Variants in NOL6 observed in about 807,000 individuals in gnomAD.
NOL6 encodes the protein nucleolar protein 6, also known as nucleolar RNA-associated protein.
A neutral mutation model predicts 131.7 loss-of-function variants in NOL6; 33 were observed. That is an observed-to-expected ratio of 0.25 (90% confidence interval 0.19 to 0.33). The LOEUF is 0.33. Ranked by LOEUF, NOL6 falls within the 10% of genes least tolerant of loss-of-function variation. NOL6 has a pLI of 1.00. For missense variants in NOL6, 1,297 were observed against 1,494.5 expected, an observed-to-expected ratio of 0.87 and a Z score of 2.18; for synonymous variants, 580 against 605.7, an observed-to-expected ratio of 0.96 and a Z score of 0.62.
At position 33,464,070 on chromosome 9, in the gene NOL6, G is replaced by A. The variant is rs767558987; in HGVS notation, c.2871C>T (p.Asn957=). The A allele has an allele frequency of 1.2e-6, 2 of 1,613,790 alleles. No individual in the cohort carries two copies. The highest frequency in any genetic ancestry group is 3.3e-5 in the Admixed American group (2 of 59,980). The change falls in exon 22 of 26, where the codon AAC becomes AAT. Residue 957 remains asparagine (N), a synonymous_variant. Transcript: ENST00000297990. Reference sequence around the variant, plus strand: ...AGGGTCCATCCTGTGTCCACACAGAGTTTTTGCGGTCTTGGGGGGTAACAA... The same window carrying A: ...AGGGTCCATCCTGTGTCCACACAGAATTTTTGCGGTCTTGGGGGGTAACAA... ...MVIVTPQDRK[N]SVWTQDGPSA... is the part of the protein sequence containing the mutation.
chr9:33,469,087 TGTGTTATAGCGGGGGGTAGGAG>T lies in NOL6; in HGVS notation c.875_896del (p.Pro292HisfsTer20). The stretch of plus-strand genomic sequence containing the variant: ...CGAGAACTGTATCTTGCAGGACCCA[TGTGTTATAGCGGGGGGTAGGAG>T]GCTCTGGGCTACCTGTGGGATGAAA... On this transcript the variant is annotated frameshift_variant, in exon 7 of 26. Transcript: ENST00000297990. LOFTEE classifies it high-confidence loss of function. 6.2e-7 allele frequency: 1 copy of T among 1,614,124 alleles called. No homozygotes were observed. The highest frequency in any genetic ancestry group is 8.5e-7 in the Non-Finnish European group (1 of 1,180,032).
In NOL6 at chr9:33,462,242, T is replaced by A. The variant is rs1364579464; in HGVS notation, c.*422A>T. 1.4e-6 allele frequency: 1 copy of A among 716,692 alleles called. No homozygotes were observed. Among genetic ancestry groups the A allele is most frequent in the African/African-American group, 1.7e-5 (1 of 57,226 alleles). 44.4% of individuals were successfully genotyped at this position (716,692 alleles called of 1,614,324 possible). ...AGGCCTGACACTGCAGTGAAGGGCATGCTAAGTCTAGGCACAGGTCCTGGC... is the reference window on the plus strand; with the variant it reads ...AGGCCTGACACTGCAGTGAAGGGCAAGCTAAGTCTAGGCACAGGTCCTGGC... On this transcript the variant is annotated 3_prime_UTR_variant, in exon 26 of 26. Coordinates refer to ENST00000297990, the MANE Select transcript of NOL6 (RefSeq NM_022917.5).
rs754382797 is a variant in NOL6, at chr9:33,468,331, G to A, written c.1298C>T (p.Thr433Ile). 6 of 1,613,842 alleles carry A rather than the reference G, an allele frequency of 3.7e-6. No individual in the cohort carries two copies. The highest frequency in any genetic ancestry group is 3.4e-6 in the Non-Finnish European group (4 of 1,179,872). Residue 433 changes from threonine (T) to isoleucine (I), a missense_variant, in exon 10 of 26, where the codon ACT (threonine) becomes ATT (isoleucine). Thr to Ile is a moderately conservative substitution (Grantham distance 89). Transcript: ENST00000297990. The part of the protein sequence containing the change: ...LNLCADVTAS[T>I]YHQVQHEARL... The stretch of plus-strand genomic sequence containing the variant: ...GGGGCCCATTGGTACCTGGTGGTAA[G>A]TAGAGGCAGTGACATCAGCACAGAG...
rs187980082 is a variant in NOL6, at chr9:33,466,419, G to A, written c.2098C>T (p.Pro700Ser). 2.5e-6 allele frequency: 4 copies of A among 1,614,188 alleles called. No homozygotes were observed. In the African/African-American group the frequency reaches 4.0e-5, roughly 16 times the overall value. Residue 700 changes from proline to serine, a missense_variant, in exon 17 of 26, where the codon CCA becomes TCA. Physicochemically the swap from Pro to Ser is moderately conservative, Grantham distance 74 (BLOSUM62 -1). Transcript: ENST00000297990. The stretch of plus-strand genomic sequence containing the variant: ...AAGGCTGGACGGACTGGAGTTGGTG[G>A]GAACACCTGTGGAAGAAGAGGGGCT... ...HPVLRYTEVF[P>S]PTPVRPAFSF...
At position 33,464,060 on chromosome 9, in the gene NOL6, T is replaced by C. The variant is rs1416820067; in HGVS notation, c.2881A>G (p.Thr961Ala). 6.2e-7 allele frequency: 1 copy of C among 1,613,478 alleles called. No individual in the cohort carries two copies. The highest frequency in any genetic ancestry group is 8.5e-7 in the Non-Finnish European group (1 of 1,179,760). The change falls in exon 22 of 26, where the codon ACA (threonine) becomes GCA (alanine). Residue 961 changes from threonine (T) to alanine (A), a missense_variant. Physicochemically the swap from Thr to Ala is moderately conservative, Grantham distance 58. Coordinates refer to ENST00000297990, the MANE Select transcript of NOL6 (RefSeq NM_022917.5). ...ACCTGGGCTGAGGGTCCATCCTGTG[T>C]CCACACAGAGTTTTTGCGGTCTTGG... Reference protein sequence around the residue: ...TPQDRKNSVWTQDGPSAQILQ... With the variant: ...TPQDRKNSVWAQDGPSAQILQ...
chr9:33,466,778 G>C (rs1827256348), intron 15 of NOL6, 69 bp from the exon 16 acceptor site: 1 of 1,594,072 alleles, frequency 6.3e-7, no homozygotes, highest in Admixed American at 1.7e-5. Context: ...TTCTGCCCCA[G>C]CTCAGGCTGC....
chr9:33,465,603 C>T (rs1827216980), intron 19 of NOL6, 131 bp downstream of exon 19: 3 of 1,136,534 alleles, frequency 2.6e-6, no homozygotes, highest in Non-Finnish European at 3.7e-6. Context: ...GATTCCAGAA[C>T]CTGCCTGACT....
Position 33,467,761 on chromosome 9 carries a change from G to C in NOL6, c.1532C>G (p.Thr511Ser). Residue 511 changes from threonine (T) to serine (S), a missense_variant, in exon 12 of 26, where the codon ACC becomes AGC. By Grantham distance (58) the Thr-to-Ser change is moderately conservative (BLOSUM62 1). Coordinates refer to ENST00000297990, the MANE Select transcript of NOL6 (RefSeq NM_022917.5). The surrounding 1 kb of genome is among the most constrained non-coding windows in gnomAD (Gnocchi z 4.4). ...CCCCAGGCCCTGCTCCAGGAGGGTG[G>C]TCAGGGGGCCCAAAGCAGCTGAGAC... ...DYVSAALGPLTTLLEQGLGAR... is the reference protein window; with the variant it reads ...DYVSAALGPLSTLLEQGLGAR... The C allele has an allele frequency of 1.9e-6, 3 of 1,610,722 alleles. No homozygotes were observed. The highest frequency in any genetic ancestry group is 2.5e-6 in the Non-Finnish European group (3 of 1,178,546).
rs501213 is a variant in NOL6 at position 33,467,616 on chromosome 9, T to C, written c.1602+75A>G. ...TAGAAACGCCTAGCTGGAGGAATGG[T>C]GTGTCCTTTGTGTCTCTTGGGACCC... On this transcript the variant is annotated intron_variant, in intron 12 of 25. Transcript: ENST00000297990. The surrounding 1 kb of genome is among the most constrained non-coding windows in gnomAD (Gnocchi z 4.4). 107,650 of 1,560,622 alleles carry C rather than the reference T, an allele frequency of 0.069. 5,150 individuals carry two copies. The highest frequency in any genetic ancestry group is 0.24 in the African/African-American group (18,012 of 73,548).
Position 33,472,039 on chromosome 9 carries a change from G to T in NOL6, c.343C>A (p.Arg115=), listed in dbSNP as rs780801923. The T allele has an allele frequency of 6.2e-7, 1 of 1,612,738 alleles. No homozygotes were observed. Among genetic ancestry groups the T allele is most frequent in the Non-Finnish European group, 8.5e-7 (1 of 1,179,990 alleles). ...GGGACTGAGGGCACCCTCACAACCC[G>T]CTGGTTGACCTCCCGTAGGAAGGCA... is the stretch of plus-strand genomic sequence containing the variant. The part of the protein sequence containing the change: ...IDAFLREVNQ[R]VVRVPSVPET... Residue 115 remains arginine (R), a synonymous_variant, in exon 3 of 26, where the codon CGG becomes AGG. Transcript: ENST00000297990.
rs1352527556 is a variant in NOL6 at position 33,463,076 on chromosome 9, C to G, written c.3248G>C (p.Gly1083Ala). ...GAAGCTGGTGGGCTTCCAGAGGACA[C>G]CAATCACCTCTCCACCATGCTGGTC... The part of the protein sequence containing the change: ...FYDQHGGEVI[G>A]VLWKPTSFQP... The change falls in exon 25 of 26, where the codon GGT (glycine) becomes GCT (alanine). Residue 1083 changes from glycine to alanine, a missense_variant. Physicochemically the swap from Gly to Ala is moderately conservative, Grantham distance 60. Coordinates refer to ENST00000297990, the MANE Select transcript of NOL6 (RefSeq NM_022917.5). The G allele has an allele frequency of 6.2e-7, 1 of 1,613,836 alleles. No homozygotes were observed. Among genetic ancestry groups the G allele is most frequent in the Non-Finnish European group, 8.5e-7 (1 of 1,179,940 alleles).
At position 33,467,566 on chromosome 9, in the gene NOL6, CCTAGAAACCTACTTTCTAGCTAG is replaced by C. The variant is rs1461020110; in HGVS notation, c.1603-73_1603-51del. 1 of 1,603,748 alleles carries C rather than the reference CCTAGAAACCTACTTTCTAGCTAG, an allele frequency of 6.2e-7. No individual in the cohort carries two copies. Among genetic ancestry groups the C allele is most frequent in the African/African-American group, 1.3e-5 (1 of 74,584 alleles). On this transcript the variant is annotated intron_variant, in intron 12 of 25. Coordinates refer to ENST00000297990, the MANE Select transcript of NOL6 (RefSeq NM_022917.5). The surrounding 1 kb of genome is among the most constrained non-coding windows in gnomAD (Gnocchi z 4.4). ...TCAGTCCTCCAATCCTCCAGCCTGG[CCTAGAAACCTACTTTCTAGCTAG>C]CTAGAAACGCCTAGCTGGAGGAATG...
Position 33,469,338 on chromosome 9 carries a change from T to A in NOL6, c.731A>T (p.Lys244Met). The A allele has an allele frequency of 6.2e-7, 1 of 1,614,098 alleles. No individual in the cohort carries two copies. The highest frequency in any genetic ancestry group is 8.5e-7 in the Non-Finnish European group (1 of 1,180,008). The change falls in exon 6 of 26, where the codon AAG becomes ATG. Residue 244 changes from lysine to methionine, a missense_variant. Coordinates refer to ENST00000297990, the MANE Select transcript of NOL6 (RefSeq NM_022917.5). ...ACGTACAGTGACCAGGCGCTCATCC[T>A]TTCCTGCCAGAGACAGTGAGTGCTG... ...KPSLLLRPRGKDERLVTVRLH... is the reference protein window; with the variant it reads ...KPSLLLRPRGMDERLVTVRLH...
rs1437977769 is a variant in NOL6, at chr9:33,466,423, C to T, written c.2094G>A (p.Val698=). The part of the protein sequence containing the change: ...GAHPVLRYTE[V]FPPTPVRPAF... Reference sequence around the variant, plus strand: ...CTGGACGGACTGGAGTTGGTGGGAACACCTGTGGAAGAAGAGGGGCTGAGG... The same window carrying T: ...CTGGACGGACTGGAGTTGGTGGGAATACCTGTGGAAGAAGAGGGGCTGAGG... The change falls in exon 17 of 26, where the codon GTG becomes GTA. Residue 698 remains valine (V), a splice_region_variant and synonymous_variant. Coordinates refer to ENST00000297990, the MANE Select transcript of NOL6 (RefSeq NM_022917.5). The T allele has an allele frequency of 1.2e-6, 2 of 1,614,132 alleles. No individual in the cohort carries two copies. The highest frequency in any genetic ancestry group is 1.7e-5 in the Admixed American group (1 of 60,016).
Position 33,468,365 on chromosome 9 carries a change from G to T in NOL6, c.1264C>A (p.His422Asn), listed in dbSNP as rs753041530. ...FSVVFLDSSG[H>N]LNLCADVTAS... ...GTGACATCAGCACAGAGGTTGAGAT[G>T]GCCTGAGGAATCCAGGAAGACAACG... Residue 422 changes from histidine (H) to asparagine (N), a missense_variant, in exon 10 of 26, where the codon CAT (histidine) becomes AAT (asparagine). Coordinates refer to ENST00000297990, the MANE Select transcript of NOL6 (RefSeq NM_022917.5). 7.4e-6 allele frequency: 12 copies of T among 1,614,104 alleles called. No homozygotes were observed. In the South Asian group the frequency reaches 1.2e-4, roughly 16 times the overall value.
chr9:33,462,560 C>T lies in NOL6; in HGVS notation c.*104G>A, dbSNP rs943753643. ...CAGCATGTTCAGCCAGCAGGCCCTC[C>T]ATGGAGGATTCATGTCCAAGGAGGG... is the stretch of plus-strand genomic sequence containing the variant. On this transcript the variant is annotated 3_prime_UTR_variant, in exon 26 of 26. Transcript: ENST00000297990. 1.2e-5 allele frequency: 16 copies of T among 1,342,540 alleles called. No individual in the cohort carries two copies. The highest frequency in any genetic ancestry group is 1.7e-5 in the Non-Finnish European group (16 of 964,228). 83.2% of individuals were successfully genotyped at this position (1,342,540 alleles called of 1,614,324 possible).
chr9:33,465,705 A>G, intron 19 of NOL6, 29 bp downstream of exon 19: 1 of 1,601,102 alleles, frequency 6.2e-7, no homozygotes, highest in Non-Finnish European at 8.5e-7. Context: ...GGGCCTACAG[A>G]CAGGAAGAAG....
At chr9:33,472,652 C>T (rs931885152) in intron 1 of NOL6, 1 of 559,000 alleles carries the variant, frequency 1.8e-6, no homozygotes, top group African/African-American at 1.9e-5. Flanking sequence ...GCATGGAGCT[C>T]TGTTTGGAAT....
At position 33,467,859 on chromosome 9, in the gene NOL6, T is replaced by A. The variant is rs931396637; in HGVS notation, c.1434A>T (p.Pro478=). The change falls in exon 12 of 26, where the codon CCA becomes CCT. Residue 478 remains proline, a synonymous_variant. Transcript: ENST00000297990. This position sits in a 1 kb window ranked among gnomAD's most constrained non-coding sequence, Gnocchi z 4.4. ...GGCACGCTGCCTGCAGGCGACTCAG[T>A]GGACGGAGACTGGAGGGGTACAAAG... ...RAFDHVLHLR[P]LSRLQAACHR... is the part of the protein sequence containing the mutation. 3 of 1,590,188 alleles carry A rather than the reference T, an allele frequency of 1.9e-6. No homozygotes were observed. The highest frequency in any genetic ancestry group is 2.6e-6 in the Non-Finnish European group (3 of 1,167,558).
Sources: allele counts gnomAD v4.1 joint callset, GRCh38; gene constraint gnomAD v4.1.1; non-coding constraint Gnocchi (gnomAD v3.1); transcripts MANE v1.5; gene names NCBI Gene and HGNC (gene_info 2026-07-23, HGNC 2026-07-21).